Variants in ADGRL3 observed in about 807,000 individuals in gnomAD.
The protein encoded by ADGRL3 is adhesion G protein-coupled receptor L3, also known as calcium-independent alpha-latrotoxin receptor 3.
Under a neutral mutation model 153.5 loss-of-function variants are expected in ADGRL3, and 62 were observed. The observed-to-expected ratio is 0.40, with a 90% CI of 0.33 to 0.50. ADGRL3 has a LOEUF of 0.50. Among genes scored for constraint, ADGRL3 ranks in the 20% least tolerant of loss-of-function variants. ADGRL3 has a pLI of 0.47. For synonymous variants in ADGRL3, 710 were observed against 672.5 expected (o/e 1.06, Z -0.86); for missense variants, 1,641 against 1,859.4 (o/e 0.88, Z 2.16).
intron 8 of ADGRL3, among the ~76,000 whole-genome samples, chr4:61,764,314 A>G (rs1221064156): frequency 6.6e-6 from 1 of 151,996 alleles, no homozygotes; most frequent in East Asian, 1.9e-4. Flanking sequence ...GTTCGAAAAG[A>G]GAGTCAGCGA....
chr4:61,488,583 C>G (rs1443299067), intron 2 of ADGRL3, among the ~76,000 whole-genome samples: 2 of 151,950 alleles, frequency 1.3e-5, no homozygotes, highest in African/African-American at 4.8e-5. Context: ...ACTACTCTCC[C>G]TACTCCCAAT....
intron 4 of ADGRL3, among the ~76,000 whole-genome samples, chr4:61,567,675 C>T (rs961161928): frequency 6.6e-6 from 1 of 152,090 alleles, no homozygotes; most frequent in South Asian, 2.1e-4. Context: ...AGGACAAAGC[C>T]TTAAGTAACC....
chr4:61,653,203 CACACAG>C (rs918031406), intron 5 of ADGRL3, among the ~76,000 whole-genome samples: 3 of 148,376 alleles, frequency 2.0e-5, no homozygotes, highest in African/African-American at 7.6e-5. Context: ...CACACACACA[CACACAG>C]AGCCATATGA....
At chr4:61,246,157 G>A (rs564653791) in intron 1 of ADGRL3, among the ~76,000 whole-genome samples, 3 of 152,084 alleles carry the variant, frequency 2.0e-5, no homozygotes, top group Admixed American at 6.6e-5. Flanking sequence ...CAGCTGTTGA[G>A]GCAACAGCTG....
chr4:61,561,929 C>T (rs891619128), intron 4 of ADGRL3, among the ~76,000 whole-genome samples: 1 of 152,008 alleles, frequency 6.6e-6, no homozygotes, highest in African/African-American at 2.4e-5. Context: ...CATGCACCAC[C>T]ATGCTCAGCT....
At chr4:61,815,860 C>T (rs543597704) in intron 9 of ADGRL3, among the ~76,000 whole-genome samples, 1 of 152,306 alleles carries the variant, frequency 6.6e-6, no homozygotes, top group African/African-American at 2.4e-5. Flanking sequence ...GCAGCCCTCA[C>T]CAGACACTGA....
intron 5 of ADGRL3, among the ~76,000 whole-genome samples, chr4:61,632,443 C>T (rs1424802687): frequency 1.3e-5 from 2 of 152,046 alleles, no homozygotes; most frequent in Admixed American, 6.6e-5. Flanking sequence ...AGGAATTGCC[C>T]TCTTTCTTGC....
chr4:61,809,973 G>A (rs576418021), intron 8 of ADGRL3, among the ~76,000 whole-genome samples: 2 of 152,194 alleles, frequency 1.3e-5, no homozygotes, highest in South Asian at 2.1e-4. Flanking sequence ...ACATAGAAGT[G>A]AAGCAACTTG....
intron 1 of ADGRL3, among the ~76,000 whole-genome samples, chr4:61,235,155 C>T (rs1299557187): frequency 1.3e-5 from 2 of 152,122 alleles, no homozygotes; most frequent in East Asian, 3.9e-4. Flanking sequence ...GAGTAGATGA[C>T]ACTCAGTAAA....
chr4:61,808,103 A>G (rs908074383), intron 8 of ADGRL3, among the ~76,000 whole-genome samples: 1 of 151,990 alleles, frequency 6.6e-6, no homozygotes, highest in Admixed American at 6.6e-5. Flanking sequence ...CTGATTGTCC[A>G]TTACTTTACT....
chr4:61,322,716 G>A (rs980581857), intron 1 of ADGRL3, among the ~76,000 whole-genome samples: 3 of 152,194 alleles, frequency 2.0e-5, no homozygotes, highest in African/African-American at 7.2e-5. Flanking sequence ...CTCATGGTCT[G>A]GGGCAGCTCC....
chr4:61,969,178 CTG>C (rs1180145140), intron 17 of ADGRL3, among the ~76,000 whole-genome samples: 2 of 152,090 alleles, frequency 1.3e-5, no homozygotes, highest in Non-Finnish European at 2.9e-5. Flanking sequence ...AAAAAAGTAA[CTG>C]TACTCAGGTG....
intron 1 of ADGRL3, among the ~76,000 whole-genome samples, chr4:61,287,839 G>T (rs1166171872): frequency 6.6e-6 from 1 of 151,704 alleles, no homozygotes; most frequent in East Asian, 1.9e-4. Flanking sequence ...GGAAATTCGG[G>T]GTACTGTTTG....
chr4:61,300,888 C>A (rs1026776277), intron 1 of ADGRL3, among the ~76,000 whole-genome samples: 1 of 151,892 alleles, frequency 6.6e-6, no homozygotes, highest in Non-Finnish European at 1.5e-5. Context: ...CCACAGCCTC[C>A]CGAGTAGCTG....
At chr4:61,655,307 T>A (rs2150463684) in intron 5 of ADGRL3, among the ~76,000 whole-genome samples, 1 of 152,284 alleles carries the variant, frequency 6.6e-6, no homozygotes, top group East Asian at 1.9e-4. Context: ...AAGAGAATAT[T>A]TTTAACGGAT....
chr4:61,755,910 G>T (rs1385838813), intron 8 of ADGRL3, among the ~76,000 whole-genome samples: 9 of 152,132 alleles, frequency 5.9e-5, no homozygotes, highest in Non-Finnish European at 8.8e-5. Flanking sequence ...TGTCAGGTTT[G>T]TCAGAGATCA....
intron 2 of ADGRL3, among the ~76,000 whole-genome samples, chr4:61,421,337 AAAAC>A (rs1434584479): frequency 6.6e-6 from 1 of 151,622 alleles, no homozygotes. Context: ...TCGTCTCAAA[AAAAC>A]AAACAAACCA....
At chr4:61,516,206 T>C (rs2098493514) in intron 3 of ADGRL3, among the ~76,000 whole-genome samples, 1 of 152,082 alleles carries the variant, frequency 6.6e-6, no homozygotes, top group African/African-American at 2.4e-5. Flanking sequence ...GCAGATATTT[T>C]ATATAGCAAG....
At chr4:61,889,697 G>C (rs775696196) in intron 9 of ADGRL3, among the ~76,000 whole-genome samples, 9 of 152,072 alleles carry the variant, frequency 5.9e-5, no homozygotes, top group Non-Finnish European at 1.3e-4. Flanking sequence ...CTTAAATAGA[G>C]GACAAAGATA....
Sources: gnomAD v4.1 joint callset for allele counts (sites outside exome capture counted in the v4.1 genomes callset) on GRCh38, gnomAD v4.1.1 for gene constraint, MANE v1.5 for transcripts, NCBI Gene and HGNC (gene_info 2026-07-23, HGNC 2026-07-21) for gene names.